Variants in FHIT observed in about 807,000 individuals in gnomAD.
The protein encoded by FHIT is bis(5'-adenosyl)-triphosphatase.
A neutral mutation model predicts 17.9 loss-of-function variants in FHIT; 19 were observed. That is an observed-to-expected ratio of 1.06 (90% CI 0.74 to 1.56). The LOEUF is 1.56. Among genes scored for constraint, FHIT ranks in the 40% most tolerant of loss-of-function variants. The pLI, the probability that FHIT is intolerant of heterozygous loss-of-function variation, is 0.00. For synonymous variants in FHIT, 81 were observed against 69.7 expected, an observed-to-expected ratio of 1.16 and a Z score of -0.81; for missense variants, 248 against 189.2, an observed-to-expected ratio of 1.31 and a Z score of -1.82.
At chr3:60,376,769 T>C (rs1471973826) in intron 5 of FHIT, among the ~76,000 whole-genome samples, 2 of 152,214 alleles carry the variant, frequency 1.3e-5, no homozygotes, top group Non-Finnish European at 2.9e-5. Flanking sequence ...TGCTCTATAA[T>C]GTTATTCTCT....
chr3:60,842,646 T>TATATATATA (rs1491100730), intron 3 of FHIT, among the ~76,000 whole-genome samples: 9 of 80,272 alleles, frequency 1.1e-4, no homozygotes, highest in East Asian at 3.2e-4. Flanking sequence ...TATATATATA[T>TATATATATA]TTTTTTTTTT....
chr3:61,134,698 G>C (rs2036863621), intron 2 of FHIT, among the ~76,000 whole-genome samples: 1 of 152,138 alleles, frequency 6.6e-6, no homozygotes, highest in Non-Finnish European at 1.5e-5. Flanking sequence ...CCAGGAAGCA[G>C]AGATGAGGAA....
At chr3:60,584,139 G>A (rs558341669) in intron 4 of FHIT, among the ~76,000 whole-genome samples, 3 of 152,100 alleles carry the variant, frequency 2.0e-5, no homozygotes, top group African/African-American at 7.2e-5. Context: ...GTGTGCTAGA[G>A]CCATCTCCTA....
chr3:59,951,182 A>G (rs1389364854), intron 7 of FHIT, among the ~76,000 whole-genome samples: 1 of 152,148 alleles, frequency 6.6e-6, no homozygotes, highest in Non-Finnish European at 1.5e-5. Context: ...CAGGTCACAA[A>G]CTTAACCCCG....
rs566178512 is a variant in FHIT, at chr3:60,456,941, A to T, written c.103+79919T>A. 2.1e-3 allele frequency among the ~76,000 whole-genome samples: 327 copies of T among 152,318 alleles called. 1 individual carries two copies. Among genetic ancestry groups the T allele is most frequent in the Non-Finnish European group, 3.9e-3 (267 of 68,022 alleles). On this transcript the variant is annotated intron_variant, in intron 5 of 9. Transcript: ENST00000492590. ...CAATGAAATAAAAGAGGATACAAAC[A>T]AATGGAAGAACATTCCATGCTCATG...
intron 4 of FHIT, among the ~76,000 whole-genome samples, chr3:60,800,209 C>G (rs781820691): frequency 2.6e-5 from 4 of 152,208 alleles, no homozygotes; most frequent in Non-Finnish European, 4.4e-5. Flanking sequence ...TTCACTAATT[C>G]AAACACACTT....
At chr3:60,915,465 C>T (rs182324231) in intron 3 of FHIT, among the ~76,000 whole-genome samples, 68 of 152,158 alleles carry the variant, frequency 4.5e-4, no homozygotes, top group Admixed American at 1.2e-3. Flanking sequence ...CAGAGGCTTC[C>T]GAGCATTTTC....
rs566419020 is a variant in FHIT, at chr3:61,069,719, C to G, written c.-163-27620G>C. 6.6e-5 allele frequency among the ~76,000 whole-genome samples: 10 copies of G among 152,200 alleles called. No homozygotes were observed. The South Asian group carries it at 2.1e-3, about 32-fold the overall frequency. ...GCGTGATTTTAAACTCTTCGTATCC[C>G]CAGAATTTAGCACAGTGCCCCACAC... is the stretch of plus-strand genomic sequence containing the variant. On this transcript the variant is annotated intron_variant, in intron 2 of 9. Coordinates refer to ENST00000492590, the MANE Select transcript of FHIT (RefSeq NM_002012.4).
intron 1 of FHIT, among the ~76,000 whole-genome samples, chr3:61,236,916 GC>G (rs1343822316): frequency 1.3e-5 from 2 of 152,150 alleles, no homozygotes; most frequent in African/African-American, 4.8e-5. Context: ...AAGACAGGAA[GC>G]ACCCATGCCC....
chr3:61,171,232 T>G (rs1969420), intron 2 of FHIT, among the ~76,000 whole-genome samples: 85,664 of 152,014 alleles, frequency 0.56, 26,775 homozygotes, highest in East Asian at 0.87. Context: ...GCACACGATT[T>G]TTGGCCGCAT....
At chr3:61,179,865 T>G (rs917045984) in intron 2 of FHIT, among the ~76,000 whole-genome samples, 1 of 152,130 alleles carries the variant, frequency 6.6e-6, no homozygotes, top group African/African-American at 2.4e-5. Flanking sequence ...GTTCTACCTC[T>G]TATTCTAGAT....
chr3:60,049,748 A>T (rs1489908501), intron 5 of FHIT, among the ~76,000 whole-genome samples: 1 of 152,214 alleles, frequency 6.6e-6, no homozygotes, highest in African/African-American at 2.4e-5. Context: ...AAAATCTTTA[A>T]ATTACACATG....
At chr3:60,931,289 C>G (rs1365761964) in intron 3 of FHIT, among the ~76,000 whole-genome samples, 1 of 152,086 alleles carries the variant, frequency 6.6e-6, no homozygotes, top group Non-Finnish European at 1.5e-5. Context: ...GGGTGCAGCA[C>G]ACCAACATGG....
At chr3:61,064,938 C>T (rs898314648) in intron 2 of FHIT, among the ~76,000 whole-genome samples, 1 of 152,128 alleles carries the variant, frequency 6.6e-6, no homozygotes, top group African/African-American at 2.4e-5. Context: ...TATCCAACAT[C>T]CCAAGCTCAT....
intron 2 of FHIT, among the ~76,000 whole-genome samples, chr3:61,112,826 G>A (rs139217423): frequency 6.6e-6 from 1 of 152,094 alleles, no homozygotes; most frequent in Non-Finnish European, 1.5e-5. Flanking sequence ...ACAGACTAAC[G>A]GTCAAGAGGC....
intron 5 of FHIT, among the ~76,000 whole-genome samples, chr3:60,148,115 C>T (rs1395895625): frequency 1.3e-5 from 2 of 152,062 alleles, no homozygotes; most frequent in African/African-American, 4.8e-5. Flanking sequence ...ATTTACTGCC[C>T]ATGAAGAGAT....
intron 4 of FHIT, among the ~76,000 whole-genome samples, chr3:60,722,686 T>C (rs2041833292): frequency 6.6e-6 from 1 of 151,634 alleles, no homozygotes; most frequent in Non-Finnish European, 1.5e-5. Context: ...ATCATACTGG[T>C]TGAAAACTGT....
At chr3:61,189,431 A>G (rs1454680056) in intron 2 of FHIT, among the ~76,000 whole-genome samples, 1 of 152,214 alleles carries the variant, frequency 6.6e-6, no homozygotes, top group Non-Finnish European at 1.5e-5. Context: ...GTGAAATAAA[A>G]GAGGATACAA....
In FHIT at chr3:59,996,196, T is replaced by C. The variant is rs147824716; in HGVS notation, c.279+15175A>G. Reference sequence around the variant, plus strand: ...AAAATCCTAACAGCAGGGGGTATTATTATTCCAATTTTGCAACCAAGGAAA... The same window carrying C: ...AAAATCCTAACAGCAGGGGGTATTACTATTCCAATTTTGCAACCAAGGAAA... On this transcript the variant is annotated intron_variant, in intron 7 of 9. Coordinates refer to ENST00000492590, the MANE Select transcript of FHIT (RefSeq NM_002012.4). 1.3e-3 allele frequency among the ~76,000 whole-genome samples: 204 copies of C among 152,202 alleles called. 1 individual carries two copies. The highest frequency in any genetic ancestry group is 2.6e-3 in the Admixed American group (40 of 15,264).
Sources: gnomAD v4.1 joint callset for allele counts (sites outside exome capture counted in the v4.1 genomes callset) on GRCh38, gnomAD v4.1.1 for gene constraint, MANE v1.5 for transcripts, NCBI Gene and HGNC (gene_info 2026-07-23, HGNC 2026-07-21) for gene names.